Variants in TTC6 observed in about 807,000 individuals in gnomAD.
TTC6 encodes the protein tetratricopeptide repeat domain 6, also known as tetratricopeptide repeat protein 6.
Under a neutral mutation model 210.4 loss-of-function variants are expected in TTC6, and 172 were observed. The ratio of observed to expected loss-of-function variants is 0.82; its 90% CI spans 0.72 to 0.93. The LOEUF is 0.93. Ranked by LOEUF, TTC6 falls within the 40% of genes least tolerant of loss-of-function variation. The probability of loss-of-function intolerance (pLI) is 0.00; values close to 1 mark genes in which losing one functional copy is unlikely to be tolerated. For synonymous variants in TTC6, 804 were observed against 819.6 expected (o/e 0.98, Z 0.32); for missense variants, 2,414 against 2,318.1 (o/e 1.04, Z -0.85).
chr14:37,817,501 T>C, intron 25 of TTC6, 77 bp from the exon 28 acceptor site: 2 of 1,259,846 alleles, frequency 1.6e-6, no homozygotes, highest in Non-Finnish European at 2.3e-6. Context: ...CATTGTGGAA[T>C]CACAGTTAGA....
At chr14:37,607,783 A>T (rs2095627858) in intron 2 of TTC6, among the ~76,000 whole-genome samples, 1 of 152,062 alleles carries the variant, frequency 6.6e-6, no homozygotes, top group Non-Finnish European at 1.5e-5. Flanking sequence ...GCATGCCACC[A>T]TGCCCAGCTA....
intron 2 of TTC6, among the ~76,000 whole-genome samples, chr14:37,615,113 G>A (rs2095640612): frequency 6.6e-6 from 1 of 152,168 alleles, no homozygotes; most frequent in African/African-American, 2.4e-5. Flanking sequence ...TCTGTTCTTA[G>A]GGGTGTCTGA....
intron 1 of TTC6, among the ~76,000 whole-genome samples, chr14:37,656,514 CGTGTGTGTGTGTGTGTGT>C (rs35073797): frequency 1.4e-5 from 2 of 147,802 alleles, no homozygotes; most frequent in Non-Finnish European, 3.0e-5. Flanking sequence ...TGTGTGTGTG[CGTGTGTGTGTGTGTGTGT>C]GTGTGTGTGC....
chr14:37,597,005 ATTT>A (rs34214926), intron 1 of TTC6, among the ~76,000 whole-genome samples: 3,757 of 138,488 alleles, frequency 0.027, 160 homozygotes, highest in African/African-American at 0.092. Context: ...ATTGGATTAC[ATTT>A]TTTTTTTTTT....
intron 5 of TTC6, among the ~76,000 whole-genome samples, chr14:37,709,567 A>G (rs1015141472): frequency 6.6e-6 from 1 of 152,056 alleles, no homozygotes; most frequent in Non-Finnish European, 1.5e-5. Flanking sequence ...CATAACTGCC[A>G]ATATGTGAAA....
intron 1 of TTC6, among the ~76,000 whole-genome samples, chr14:37,661,721 G>A (rs1448328566): frequency 6.6e-6 from 1 of 152,086 alleles, no homozygotes; most frequent in Admixed American, 6.5e-5. Context: ...TTCAATGGTA[G>A]TTTAATGGGA....
At chr14:37,626,731 A>G (rs989558013) in intron 1 of TTC6, among the ~76,000 whole-genome samples, 2 of 152,190 alleles carry the variant, frequency 1.3e-5, no homozygotes, top group East Asian at 1.9e-4. Flanking sequence ...AGGAATGCCA[A>G]TGGTTACAGC....
At chr14:37,634,779 A>C (rs2095676837) in intron 1 of TTC6, among the ~76,000 whole-genome samples, 1 of 152,212 alleles carries the variant, frequency 6.6e-6, no homozygotes. Flanking sequence ...TTGAGAGTAG[A>C]TTTCTCATTG....
intron 20 of TTC6, among the ~76,000 whole-genome samples, chr14:37,801,185 A>G (rs1315921836): frequency 6.6e-6 from 1 of 152,136 alleles, no homozygotes; most frequent in Non-Finnish European, 1.5e-5. Context: ...TTGTCTCTTT[A>G]ATTTCACAAG....
At chr14:37,758,571 A>G (rs187304730) in intron 14 of TTC6, among the ~76,000 whole-genome samples, 1 of 152,092 alleles carries the variant, frequency 6.6e-6, no homozygotes. Flanking sequence ...TTTTGAGCCT[A>G]TGTGTATCTT....
At chr14:37,751,375 A>G (rs1018655122) in intron 13 of TTC6, 150 bp downstream of exon 15, 1 of 472,296 alleles carries the variant, frequency 2.1e-6, no homozygotes, top group Non-Finnish European at 3.5e-6. Context: ...AGTTTTCATT[A>G]CTGGAATTAA....
At chr14:37,615,672 AT>A (rs1422936962) in intron 2 of TTC6, among the ~76,000 whole-genome samples, 4 of 151,872 alleles carry the variant, frequency 2.6e-5, no homozygotes, top group African/African-American at 9.7e-5. Flanking sequence ...CCTTTACTTC[AT>A]TGAGCATAGT....
intron 10 of TTC6, among the ~76,000 whole-genome samples, chr14:37,747,068 A>G (rs916396942): frequency 6.6e-6 from 1 of 152,168 alleles, no homozygotes; most frequent in Non-Finnish European, 1.5e-5. Context: ...TACAATTTTT[A>G]TAATAATTAT....
At chr14:37,705,395 C>T (rs1045900950) in intron 5 of TTC6, among the ~76,000 whole-genome samples, 6 of 151,780 alleles carry the variant, frequency 4.0e-5, no homozygotes, top group African/African-American at 9.7e-5. Flanking sequence ...CAAGAAAATG[C>T]GAAAATGAAA....
chr14:37,665,469 G>A (rs1358825198), intron 1 of TTC6, among the ~76,000 whole-genome samples: 1 of 150,270 alleles, frequency 6.7e-6, no homozygotes, highest in African/African-American at 2.4e-5. Context: ...GACACATTGA[G>A]GGAGAACAAC....
chr14:37,682,655 C>T lies in TTC6; in HGVS notation c.1051-103C>T, dbSNP rs1231686480. 3.3e-5 allele frequency: 31 copies of T among 947,384 alleles called. 1 individual carries two copies. The South Asian group carries it at 4.1e-4, about 12-fold the overall frequency. 58.7% of individuals were successfully genotyped at this position (947,384 alleles called of 1,614,324 possible). A position where few individuals can be genotyped will look rare whatever the true frequency, so the allele number is the denominator to read the frequency against. On this transcript the variant is annotated intron_variant, in intron 2 of 30. Transcript: ENST00000553443. ...TCACCTATGCTTAGTTTCAAGCATG[C>T]GTTTTCATATTCATCTTGTCAGATA...
chr14:37,765,892 G>T (rs2095997742), intron 14 of TTC6, among the ~76,000 whole-genome samples: 1 of 152,040 alleles, frequency 6.6e-6, no homozygotes, highest in Admixed American at 6.6e-5. Context: ...GATTTCTAAT[G>T]AGAAATTGCA....
chr14:37,705,450 A>T (rs78116072), intron 5 of TTC6, among the ~76,000 whole-genome samples: 3,536 of 152,272 alleles, frequency 0.023, 46 homozygotes, highest in Middle Eastern at 0.037. Context: ...CACTGTTAAC[A>T]TTCTTAAATA....
At chr14:37,759,433 C>T (rs1002263975) in intron 14 of TTC6, among the ~76,000 whole-genome samples, 1 of 152,130 alleles carries the variant, frequency 6.6e-6, no homozygotes, top group Admixed American at 6.5e-5. Context: ...CTGCCCTTAA[C>T]ATTTTTTCCT....
Sources: allele counts gnomAD v4.1 joint callset (sites outside exome capture counted in the v4.1 genomes callset), GRCh38; gene constraint gnomAD v4.1.1; transcripts MANE v1.5; gene names NCBI Gene and HGNC (gene_info 2026-07-23, HGNC 2026-07-21).